The following POSTN variants were observed in gnomAD, a reference collection of about 807,000 sequenced individuals.
POSTN encodes osteoblast specific factor 2 (fasciclin I-like).
Under a neutral mutation model 104.5 loss-of-function variants are expected in POSTN, and 71 were observed. The ratio of observed to expected loss-of-function variants is 0.68; its 90% CI spans 0.56 to 0.83. The LOEUF (loss-of-function observed/expected upper bound fraction) is 0.83, where lower values mean the gene tolerates loss of function less well. Ranked by LOEUF, POSTN falls within the 40% of genes least tolerant of loss-of-function variation. The pLI is 0.00. For synonymous variants in POSTN, 355 were observed against 340.7 expected (o/e 1.04, Z -0.46); for missense variants, 949 against 1,006.8 (o/e 0.94, Z 0.78).
At chr13:37,563,520 G>A (rs1023689091) in intron 22 of POSTN, 150 bp from the exon 23 acceptor site, 4 of 386,572 alleles carry the variant, frequency 1.0e-5, no homozygotes, top group African/African-American at 6.2e-5. Context: ...AACTTATGGT[G>A]AAGCAAATAT....
chr13:37,582,288 T>C (rs1950615795), intron 10 of POSTN, 78 bp downstream of exon 10: 2 of 1,460,426 alleles, frequency 1.4e-6, no homozygotes, highest in Admixed American at 4.4e-5. Flanking sequence ...ACTCATAAAA[T>C]TCTGTGAAAT....
At position 37,598,729 on chromosome 13, in the gene POSTN, T is replaced by G. The variant is rs1349015943; in HGVS notation, c.-3A>C. On this transcript the variant is annotated 5_prime_UTR_variant, in exon 1 of 23. Transcript: ENST00000379747. ...AACATGGGTAAAAAGGGAATCATCT[T>G]GAGTCTCTCCGTTGCAGTTAGTCCC... The G allele has an allele frequency of 1.2e-5, 20 of 1,612,530 alleles. No homozygotes were observed. The highest frequency in any genetic ancestry group is 1.6e-5 in the Non-Finnish European group (19 of 1,178,912).
At chr13:37,587,038 G>A in intron 5 of POSTN, 110 bp from the exon 6 acceptor site, 2 of 886,394 alleles carry the variant, frequency 2.3e-6, no homozygotes. Flanking sequence ...GTAACATACA[G>A]GAAACTACAT....
intron 21 of POSTN, among the ~76,000 whole-genome samples, chr13:37,566,790 T>C (rs1340284450): frequency 6.6e-6 from 1 of 152,096 alleles, no homozygotes; most frequent in Non-Finnish European, 1.5e-5. Context: ...AGCCCAAAAA[T>C]TTTATGCATT....
intron 5 of POSTN, 45 bp from the exon 6 acceptor site, chr13:37,586,973 C>T (rs1449171752): frequency 1.3e-6 from 2 of 1,583,156 alleles, no homozygotes; most frequent in Non-Finnish European, 8.6e-7. Context: ...CAGAGATACC[C>T]ATTGACCACT....
Position 37,563,280 on chromosome 13 carries a change from G to T in POSTN, c.*53C>A. Reference sequence around the variant, plus strand: ...AACTTGGCTCTCACAATTTTCTAAGGTCAGGTTATTGACTTAGGGTTGTAT... The same window carrying T: ...AACTTGGCTCTCACAATTTTCTAAGTTCAGGTTATTGACTTAGGGTTGTAT... On this transcript the variant is annotated 3_prime_UTR_variant, in exon 23 of 23. Coordinates refer to ENST00000379747, the MANE Select transcript of POSTN (RefSeq NM_006475.3). 3.1e-6 allele frequency: 4 copies of T among 1,302,904 alleles called. No homozygotes were observed. Among genetic ancestry groups the T allele is most frequent in the Non-Finnish European group, 4.3e-6 (4 of 932,190 alleles). The allele number at this position is 1,302,904 out of a possible 1,614,324, so 80.7% of individuals were successfully genotyped here. A position where few individuals can be genotyped will look rare whatever the true frequency, so the allele number is the denominator to read the frequency against.
chr13:37,582,353 G>T lies in POSTN; in HGVS notation c.1392+13C>A, dbSNP rs1426350287. The T allele has an allele frequency of 1.3e-6, 2 of 1,586,520 alleles. No individual in the cohort carries two copies. Among genetic ancestry groups the T allele is most frequent in the Non-Finnish European group, 1.7e-6 (2 of 1,171,830 alleles). On this transcript the variant is annotated intron_variant, in intron 10 of 22. Coordinates refer to ENST00000379747, the MANE Select transcript of POSTN (RefSeq NM_006475.3). Reference sequence around the variant, plus strand: ...CATTTGACAGACTTTTTATTTTGTTGTGATTCACTTACTGTACGATATACG... The same window carrying T: ...CATTTGACAGACTTTTTATTTTGTTTTGATTCACTTACTGTACGATATACG...
Position 37,571,413 on chromosome 13 carries a change from C to A in POSTN, c.2135G>T (p.Arg712Ile), listed in dbSNP as rs367887993. 1.2e-4 allele frequency: 187 copies of A among 1,610,512 alleles called. No homozygotes were observed. Among genetic ancestry groups the A allele is most frequent in the Non-Finnish European group, 1.5e-4 (172 of 1,177,268 alleles). ...TATTGTTTCACCTTCTTTAATCAGT[C>A]TGAATTCAGGTTCACCTTCAATTTT... ...KVKIEGEPEF[R>I]LIKEGETITE... The change falls in exon 18 of 23, where the codon AGA becomes ATA. Residue 712 changes from arginine to isoleucine, a missense_variant. Physicochemically the swap from Arg to Ile is moderately conservative, Grantham distance 97. Transcript: ENST00000379747.
chr13:37,582,250 T>G lies in POSTN; in HGVS notation c.1392+116A>C, dbSNP rs900351222. 8 of 1,219,752 alleles carry G rather than the reference T, an allele frequency of 6.6e-6. No homozygotes were observed. In the South Asian group the frequency reaches 1.3e-4, roughly 20 times the overall value. The allele number at this position is 1,219,752 out of a possible 1,614,324, so 75.6% of individuals were successfully genotyped here. On this transcript the variant is annotated intron_variant, in intron 10 of 22. Coordinates refer to ENST00000379747, the MANE Select transcript of POSTN (RefSeq NM_006475.3). ...CCCAAGCTACCCAGTTCCCTGATGC[T>G]TCTATGAATATTTACTATTAGAACC...
chr13:37,592,841 T>A (rs1490282813), intron 2 of POSTN, among the ~76,000 whole-genome samples: 1 of 152,166 alleles, frequency 6.6e-6, no homozygotes, highest in Non-Finnish European at 1.5e-5. Context: ...GAAATAATGC[T>A]TTTGAAATCA....
rs1356545972 is a variant in POSTN at position 37,569,347 on chromosome 13, T to C, written c.2384A>G (p.Asp795Gly). 1.2e-6 allele frequency: 2 copies of C among 1,612,846 alleles called. No individual in the cohort carries two copies. Among genetic ancestry groups the C allele is most frequent in the African/African-American group, 2.7e-5 (2 of 74,870 alleles). The change falls in exon 21 of 23, where the codon GAT (aspartate) becomes GGT (glycine). Residue 795 changes from aspartate (D) to glycine (G), a missense_variant. Coordinates refer to ENST00000379747, the MANE Select transcript of POSTN (RefSeq NM_006475.3). ...TTCTTCATCTTCAAATAAATGACCA[T>C]CACCACCTTCAATGAATTTGGTGAC... ...TKVTKFIEGG[D>G]GHLFEDEEIK...
At position 37,574,655 on chromosome 13, in the gene POSTN, G is replaced by T. The variant is rs540286250; in HGVS notation, c.2009-3C>A. On this transcript the variant is annotated splice_polypyrimidine_tract_variant and splice_region_variant and intron_variant, in intron 16 of 22. Transcript: ENST00000379747. ...AACTTTGGTTATAATTTTAGTTGCT[G>T]AAAGTATAGAAAGTGGAACATGAAA... The T allele has an allele frequency of 1.6e-4, 253 of 1,574,160 alleles. No individual in the cohort carries two copies. Among genetic ancestry groups the T allele is most frequent in the Non-Finnish European group, 2.0e-4 (238 of 1,166,774 alleles).
chr13:37,569,800 C>T lies in POSTN; in HGVS notation c.2291G>A (p.Arg764Lys), dbSNP rs561691739. ...IITGPEIKYTRISTGGGETEE... is the reference protein window; with the variant it reads ...IITGPEIKYTKISTGGGETEE... ...TGTTTCTCCACCTCCAGTAGAAATCCTAGTGTATTTTATTTCAGGACCTAT... is the reference window on the plus strand; with the variant it reads ...TGTTTCTCCACCTCCAGTAGAAATCTTAGTGTATTTTATTTCAGGACCTAT... Residue 764 changes from arginine to lysine, a missense_variant, in exon 20 of 23, where the codon AGG (arginine) becomes AAG (lysine). Transcript: ENST00000379747. The T allele has an allele frequency of 6.2e-6, 10 of 1,604,318 alleles. No individual in the cohort carries two copies. In the African/African-American group the frequency reaches 1.2e-4, roughly 19 times the overall value.
chr13:37,562,972 G>A lies in POSTN; in HGVS notation c.*361C>T, dbSNP rs1949976151. The stretch of plus-strand genomic sequence containing the variant: ...TTATGTATCCATAACATACATACAA[G>A]GCTCGGTCTTTTCAATGGGATAACA... On this transcript the variant is annotated 3_prime_UTR_variant, in exon 23 of 23. Transcript: ENST00000379747. 1.2e-5 allele frequency: 2 copies of A among 163,528 alleles called. No individual in the cohort carries two copies. The highest frequency in any genetic ancestry group is 3.4e-4 in the East Asian group (2 of 5,912). The allele number at this position is 163,528 out of a possible 1,614,324, so 10.1% of individuals were successfully genotyped here.
Position 37,579,853 on chromosome 13 carries a change from C to T in POSTN, c.1660+8G>A. On this transcript the variant is annotated splice_region_variant and intron_variant, in intron 12 of 22. Transcript: ENST00000379747. ...AAGGGAAAATATCTGGAATTCACTT[C>T]CACTTACGTATCAGAATTTCTTTTT... The T allele has an allele frequency of 6.2e-7, 1 of 1,607,832 alleles. No homozygotes were observed. Among genetic ancestry groups the T allele is most frequent in the Non-Finnish European group, 8.5e-7 (1 of 1,177,610 alleles).
At chr13:37,564,654 A>G (rs939739848) in intron 21 of POSTN, 94 bp from the exon 22 acceptor site, 1 of 629,156 alleles carries the variant, frequency 1.6e-6, no homozygotes, top group African/African-American at 1.9e-5. Context: ...AAAGTCTTAA[A>G]TAAGTATCAC....
chr13:37,577,623 A>C (rs1945383126), intron 16 of POSTN, 130 bp downstream of exon 16: 2 of 1,379,708 alleles, frequency 1.4e-6, no homozygotes, highest in Admixed American at 5.7e-5. Context: ...TTTTCAAGTG[A>C]AATGAGATTG....
intron 17 of POSTN, among the ~76,000 whole-genome samples, chr13:37,572,317 C>T (rs747013990): frequency 6.8e-5 from 10 of 147,468 alleles, no homozygotes; most frequent in Non-Finnish European, 1.0e-4. Context: ...TGTCAATGTA[C>T]ATGATTACCA....
At chr13:37,588,084 T>C in intron 4 of POSTN, 98 bp from the exon 5 acceptor site, 1 of 960,576 alleles carries the variant, frequency 1.0e-6, no homozygotes, top group Non-Finnish European at 1.6e-6. Context: ...TTTTCTCATT[T>C]CATTATCAGA....
Sources: allele counts gnomAD v4.1 joint callset (sites outside exome capture counted in the v4.1 genomes callset), GRCh38; gene constraint gnomAD v4.1.1; transcripts MANE v1.5; gene names NCBI Gene and HGNC (gene_info 2026-07-23, HGNC 2026-07-21).